Variants in CSGALNACT1 observed in about 807,000 individuals in gnomAD.
CSGALNACT1 encodes beta4GalNAcT-1.
Under a neutral mutation model 51.0 loss-of-function variants are expected in CSGALNACT1, and 52 were observed. The ratio of observed to expected loss-of-function variants is 1.02; its 90% confidence interval spans 0.82 to 1.29. The LOEUF (loss-of-function observed/expected upper bound fraction) is 1.29, where lower values mean the gene tolerates loss of function less well. CSGALNACT1 is among the 50% of genes most tolerant of loss of function. CSGALNACT1 has a pLI of 0.00. For missense variants in CSGALNACT1, 935 were observed against 679.2 expected (o/e 1.38, Z -4.19); for synonymous variants, 341 against 254.4 (o/e 1.34, Z -3.24).
chr8:19,531,372 A>G (rs1196400761), intron 3 of CSGALNACT1, among the ~76,000 whole-genome samples: 4 of 152,248 alleles, frequency 2.6e-5, no homozygotes, highest in Non-Finnish European at 4.4e-5. Flanking sequence ...CCCATGAGAC[A>G]TATTCTGGAC....
chr8:19,455,851 C>A (rs374136988), intron 5 of CSGALNACT1, among the ~76,000 whole-genome samples: 1 of 152,184 alleles, frequency 6.6e-6, no homozygotes. Context: ...AAGTAGGCAC[C>A]GCATCTTCAA....
intron 6 of CSGALNACT1, among the ~76,000 whole-genome samples, chr8:19,424,225 C>T (rs2058425088): frequency 6.6e-6 from 1 of 152,176 alleles, no homozygotes; most frequent in African/African-American, 2.4e-5. Flanking sequence ...GAAGCACCAT[C>T]AGGCAGTCAC....
chr8:19,526,341 T>G (rs1397933923), intron 3 of CSGALNACT1, among the ~76,000 whole-genome samples: 1 of 152,146 alleles, frequency 6.6e-6, no homozygotes, highest in African/African-American at 2.4e-5. Flanking sequence ...TCCCAGCACT[T>G]TGGGAAGCTG....
At position 19,457,903 on chromosome 8, in the gene CSGALNACT1, C is replaced by G. The variant is rs1463379530; in HGVS notation, c.851+523G>C. 5 of 800,036 alleles carry G rather than the reference C, an allele frequency of 6.2e-6. No individual in the cohort carries two copies. In the East Asian group the frequency reaches 2.9e-4, roughly 46 times the overall value. 49.6% of individuals were successfully genotyped at this position (800,036 alleles called of 1,614,324 possible). A position where few individuals can be genotyped will look rare whatever the true frequency, so the allele number is the denominator to read the frequency against. ...TCTTGGTATAATTCTACACTTAAGT[C>G]TAAGATGATGCAGGTTACAATAAAA... On this transcript the variant is annotated intron_variant, in intron 5 of 9. Coordinates refer to ENST00000454498, the Ensembl canonical transcript of CSGALNACT1.
rs1395966448 is a variant in CSGALNACT1 at position 19,757,151 on chromosome 8, C to A, written c.-297+699G>T. The A allele has an allele frequency of 1.5e-4, 22 of 149,810 alleles. No homozygotes were observed. In the East Asian group the frequency reaches 4.3e-3, roughly 29 times the overall value. The allele number at this position is 149,810 out of a possible 1,614,324, so 9.3% of individuals were successfully genotyped here. On this transcript the variant is annotated intron_variant, in intron 1 of 1. Coordinates refer to the CSGALNACT1 transcript ENST00000517494. The surrounding 1 kb of genome is among the most constrained non-coding windows in gnomAD (Gnocchi z 4.0). The stretch of plus-strand genomic sequence containing the variant: ...CCACTGACGCCCCCGCGCGGCACAC[C>A]GCGCCCGGCTGGCCCGGGAGGGGAC...
At chr8:19,493,002 G>C (rs1375322551) in intron 4 of CSGALNACT1, among the ~76,000 whole-genome samples, 1 of 150,948 alleles carries the variant, frequency 6.6e-6, no homozygotes, top group Non-Finnish European at 1.5e-5. Flanking sequence ...ACTGACATAA[G>C]TGAGAAAGAG....
intron 3 of CSGALNACT1, among the ~76,000 whole-genome samples, chr8:19,563,315 TA>T (rs2041199526): frequency 6.6e-6 from 1 of 152,140 alleles, no homozygotes; most frequent in Non-Finnish European, 1.5e-5. Flanking sequence ...GAACAATAGC[TA>T]AAGCATGTTG....
At chr8:19,514,491 A>ATATATATG (rs2079104648) in intron 3 of CSGALNACT1, among the ~76,000 whole-genome samples, 1 of 88,108 alleles carries the variant, frequency 1.1e-5, no homozygotes, top group Non-Finnish European at 2.5e-5. Flanking sequence ...ATATATATAT[A>ATATATATG]TATATATATA....
intron 6 of CSGALNACT1, among the ~76,000 whole-genome samples, chr8:19,428,198 G>C (rs1479371690): frequency 6.6e-6 from 1 of 152,088 alleles, no homozygotes; most frequent in Non-Finnish European, 1.5e-5. Context: ...CACAATACCC[G>C]AATGTACACC....
At chr8:19,439,798 G>T in intron 6 of CSGALNACT1, 32 bp downstream of exon 5, 1 of 1,537,894 alleles carries the variant, frequency 6.5e-7, no homozygotes, top group Non-Finnish European at 9.0e-7. Flanking sequence ...CAGTTACCAG[G>T]ATTCCTTATG....
chr8:19,507,442 T>C (rs972335626), intron 3 of CSGALNACT1, among the ~76,000 whole-genome samples: 1 of 147,012 alleles, frequency 6.8e-6, no homozygotes, highest in African/African-American at 2.5e-5. Flanking sequence ...CCTCCACTCA[T>C]CATGGACATT....
At chr8:19,722,733 G>T (rs1332496908) in intron 1 of CSGALNACT1, among the ~76,000 whole-genome samples, 1 of 152,224 alleles carries the variant, frequency 6.6e-6, no homozygotes, top group Non-Finnish European at 1.5e-5. Context: ...CCCTCGGAGA[G>T]ACTCACATTA....
At position 19,656,597 on chromosome 8, in the gene CSGALNACT1, C is replaced by A. The variant is rs920088628; in HGVS notation, c.-544+25876G>T. On this transcript the variant is annotated intron_variant, in intron 1 of 9. Transcript: ENST00000332246. The stretch of plus-strand genomic sequence containing the variant: ...AAGAACCAGGAGAAACTACGCCCCC[C>A]CCCCACACACACACACGAGATCAGC... 4.7e-5 allele frequency among the ~76,000 whole-genome samples: 5 copies of A among 106,536 alleles called. No homozygotes were observed. In the Middle Eastern group the frequency reaches 0.016, roughly 340 times the overall value. The allele number at this position is 106,536 out of a possible 152,430, so 69.9% of individuals were successfully genotyped here.
At chr8:19,438,971 A>G (rs2060848129) in intron 6 of CSGALNACT1, among the ~76,000 whole-genome samples, 1 of 152,228 alleles carries the variant, frequency 6.6e-6, no homozygotes. Flanking sequence ...TCTAAATGAT[A>G]TGGATCTACT....
At chr8:19,680,333 A>G (rs566970602) in intron 1 of CSGALNACT1, among the ~76,000 whole-genome samples, 3 of 152,324 alleles carry the variant, frequency 2.0e-5, no homozygotes, top group Admixed American at 2.0e-4. Flanking sequence ...AGGCAGGTGG[A>G]TCACCTGAGG....
intron 1 of CSGALNACT1, among the ~76,000 whole-genome samples, chr8:19,651,527 G>C (rs996607189): frequency 1.3e-5 from 2 of 152,148 alleles, no homozygotes; most frequent in Non-Finnish European, 1.5e-5. Context: ...TTGGTTTTCT[G>C]TTCCTGCATT....
chr8:19,736,210 C>G lies in CSGALNACT1; in HGVS notation c.-297+21640G>C, dbSNP rs549391617. On this transcript the variant is annotated intron_variant, in intron 1 of 1. Transcript: ENST00000517494. Reference sequence around the variant, plus strand: ...GAATTCAAATTTCCTTAGCAGGGGTCAGAAAACTATAGCCCGCTTGTTTTT... The same window carrying G: ...GAATTCAAATTTCCTTAGCAGGGGTGAGAAAACTATAGCCCGCTTGTTTTT... Among the ~76,000 whole-genome samples the G allele has an allele frequency of 1.4e-3, 220 of 152,256 alleles. 1 individual carries two copies. The highest frequency in any genetic ancestry group is 4.9e-3 in the African/African-American group (205 of 41,546).
intron 3 of CSGALNACT1, among the ~76,000 whole-genome samples, chr8:19,522,891 A>G (rs2081004219): frequency 1.3e-5 from 2 of 152,246 alleles, no homozygotes; most frequent in African/African-American, 4.8e-5. Context: ...TAAGGCTGCA[A>G]GATGTCTGTG....
intron 6 of CSGALNACT1, among the ~76,000 whole-genome samples, chr8:19,426,457 T>G (rs867156211): frequency 5.9e-5 from 9 of 152,216 alleles, no homozygotes; most frequent in South Asian, 2.1e-4. Context: ...AGAAATACAA[T>G]GTTTAGTGTT....
Sources: gnomAD v4.1 joint callset for allele counts (sites outside exome capture counted in the v4.1 genomes callset) on GRCh38, gnomAD v4.1.1 for gene constraint, Gnocchi (gnomAD v3.1) non-coding constraint, MANE v1.5 for transcripts, NCBI Gene and HGNC (gene_info 2026-07-23, HGNC 2026-07-21) for gene names.